CEP57L1: variants seen among roughly 807,000 people sequenced by gnomAD.
CEP57L1 encodes centrosomal protein CEP57L1.
CEP57L1 carries 37 observed loss-of-function variants against 61.0 expected under a neutral mutation model. That is an observed-to-expected ratio of 0.61 (90% confidence interval 0.47 to 0.80). The LOEUF is 0.80. CEP57L1 is among the 30% of genes least tolerant of loss of function. The probability of loss-of-function intolerance (pLI) is 0.00; values close to 1 mark genes in which losing one functional copy is unlikely to be tolerated. For synonymous variants in CEP57L1, 137 were observed against 162.3 expected, an observed-to-expected ratio of 0.84 and a Z score of 1.19; for missense variants, 422 against 524.7, an observed-to-expected ratio of 0.80 and a Z score of 1.91.
At position 109,173,660 on chromosome 6, in the gene CEP57L1, A is replaced by G. The variant is rs1031145144; in HGVS notation, c.*10690A>G. On this transcript the variant is annotated 3_prime_UTR_variant, in exon 11 of 11. Coordinates refer to ENST00000517392, the MANE Select transcript of CEP57L1 (RefSeq NM_001271852.3). ...CACTTTGCTGCCCAGGCTGGTCTCA[A>G]ACTCTGGGCTCAAGCAATCCTTCCA... is the stretch of plus-strand genomic sequence containing the variant. Among the ~76,000 whole-genome samples the G allele has an allele frequency of 1.3e-5, 2 of 151,524 alleles. No individual in the cohort carries two copies. The highest frequency in any genetic ancestry group is 4.8e-5 in the African/African-American group (2 of 41,250).
intron 1 of CEP57L1, among the ~76,000 whole-genome samples, chr6:109,134,863 G>A (rs1011235059): frequency 6.6e-6 from 1 of 152,160 alleles, no homozygotes; most frequent in Non-Finnish European, 1.5e-5. Context: ...CAAGGGATGT[G>A]AAGGACCTCT....
At chr6:109,159,610 G>T in intron 9 of CEP57L1, 148 bp downstream of exon 9, 1 of 647,216 alleles carries the variant, frequency 1.5e-6, no homozygotes, top group Non-Finnish European at 2.7e-6. Flanking sequence ...TGCCTGGCCA[G>T]TATTTTTATT....
At chr6:109,113,859 C>T (rs1771968959) in intron 1 of CEP57L1, among the ~76,000 whole-genome samples, 1 of 151,910 alleles carries the variant, frequency 6.6e-6, no homozygotes, top group Non-Finnish European at 1.5e-5. Context: ...AGATGTTGTC[C>T]CTGCTCTTAA....
chr6:109,153,108 CAA>C (rs1172045072), intron 4 of CEP57L1, among the ~76,000 whole-genome samples: 5 of 91,384 alleles, frequency 5.5e-5, no homozygotes, highest in East Asian at 3.0e-4. Flanking sequence ...GACTCTGTCT[CAA>C]AAAAAAAAAA....
chr6:109,142,097 A>G (rs950976405), intron 1 of CEP57L1, among the ~76,000 whole-genome samples: 14 of 152,288 alleles, frequency 9.2e-5, no homozygotes, highest in African/African-American at 2.6e-4. Flanking sequence ...TTTTTATGCA[A>G]TGGGTTCTTA....
At chr6:109,117,477 C>A (rs962936705) in intron 1 of CEP57L1, among the ~76,000 whole-genome samples, 2 of 152,316 alleles carry the variant, frequency 1.3e-5, no homozygotes, top group South Asian at 4.1e-4. Flanking sequence ...ACTGGGCCAA[C>A]TACTATGACG....
At chr6:109,139,624 TACA>T (rs1771124742) in intron 1 of CEP57L1, among the ~76,000 whole-genome samples, 1 of 152,054 alleles carries the variant, frequency 6.6e-6, no homozygotes, top group Non-Finnish European at 1.5e-5. Flanking sequence ...TAGCTGGGAC[TACA>T]GGCGCCTGCC....
intron 1 of CEP57L1, among the ~76,000 whole-genome samples, chr6:109,127,132 C>T (rs188323655): frequency 6.6e-6 from 1 of 152,282 alleles, no homozygotes; most frequent in Admixed American, 6.5e-5. Context: ...CGCCACTGCA[C>T]TCCAGCCTGG....
intron 1 of CEP57L1, among the ~76,000 whole-genome samples, chr6:109,106,454 G>A (rs1288759483): frequency 1.3e-5 from 2 of 152,150 alleles, no homozygotes; most frequent in African/African-American, 2.4e-5. Context: ...AGTGTCAGAT[G>A]TGGACCTTTT....
rs990647246 is a variant in CEP57L1 at position 109,168,784 on chromosome 6, T to C, written c.*5814T>C. Among the ~76,000 whole-genome samples, 4 of 151,352 alleles carry C rather than the reference T, an allele frequency of 2.6e-5. No homozygotes were observed. The highest frequency in any genetic ancestry group is 3.4e-3 in the Middle Eastern group (1 of 294). On this transcript the variant is annotated 3_prime_UTR_variant, in exon 11 of 11. Transcript: ENST00000517392. ...CTAATTTTTTGTATTTTAGTAGAGA[T>C]GGGGTTTCACTGTATTGCCCAGGCT...
chr6:109,149,012 G>C (rs1772289404), intron 3 of CEP57L1, among the ~76,000 whole-genome samples: 1 of 152,278 alleles, frequency 6.6e-6, no homozygotes, highest in Non-Finnish European at 1.5e-5. Flanking sequence ...GTAGATTCTG[G>C]ATATTAGCCC....
chr6:109,099,428 G>T (rs1782103800), intron 1 of CEP57L1, among the ~76,000 whole-genome samples: 1 of 152,096 alleles, frequency 6.6e-6, no homozygotes, highest in African/African-American at 2.4e-5. Flanking sequence ...ATGAGATGAG[G>T]ATTCATAATT....
intron 2 of CEP57L1, 100 bp from the exon 3 acceptor site, chr6:109,146,658 C>T: frequency 1.3e-6 from 1 of 744,200 alleles, no homozygotes; most frequent in Non-Finnish European, 2.1e-6. Flanking sequence ...ATTTTTCTGG[C>T]TCAGTAACAA....
chr6:109,158,886 T>TAAG, intron 7 of CEP57L1, 139 bp from the exon 8 acceptor site: 1 of 733,066 alleles, frequency 1.4e-6, no homozygotes, highest in South Asian at 1.8e-5. Flanking sequence ...TACGTATGTC[T>TAAG]ATGTCAGTGA....
rs769389092 is a variant in CEP57L1, at chr6:109,153,927, C to A, written c.557C>A (p.Thr186Lys). 9 of 1,601,232 alleles carry A rather than the reference C, an allele frequency of 5.6e-6. No individual in the cohort carries two copies. Among genetic ancestry groups the A allele is most frequent in the Non-Finnish European group, 7.7e-6 (9 of 1,171,326 alleles). Reference sequence around the variant, plus strand: ...TTAGAAAAAGAGTGTTTCAGACTTACAACAACTCAGAAAACTGCTGAGGTA... The same window carrying A: ...TTAGAAAAAGAGTGTTTCAGACTTAAAACAACTCAGAAAACTGCTGAGGTA... ...DVLEKECFRLTTTQKTAEDKI... is the reference protein window; with the variant it reads ...DVLEKECFRLKTTQKTAEDKI... The change falls in exon 5 of 11, where the codon ACA becomes AAA. Residue 186 changes from threonine to lysine, a missense_variant. Transcript: ENST00000517392.
intron 1 of CEP57L1, among the ~76,000 whole-genome samples, chr6:109,115,413 C>T (rs955234816): frequency 5.3e-5 from 8 of 152,006 alleles, no homozygotes; most frequent in Non-Finnish European, 7.4e-5. Flanking sequence ...AATTAGATTA[C>T]GCTCAGCCAA....
chr6:109,142,945 T>TGC (rs1771548463), intron 1 of CEP57L1, among the ~76,000 whole-genome samples: 1 of 34,640 alleles, frequency 2.9e-5, no homozygotes, highest in Non-Finnish European at 6.4e-5. Flanking sequence ...CTGTCTCTCT[T>TGC]GCTCTCTCTC....
At chr6:109,102,774 G>T (rs1048458620) in intron 1 of CEP57L1, among the ~76,000 whole-genome samples, 1 of 151,842 alleles carries the variant, frequency 6.6e-6, no homozygotes, top group African/African-American at 2.4e-5. Flanking sequence ...TTTTTTTAAA[G>T]ACCATTATAC....
intron 1 of CEP57L1, among the ~76,000 whole-genome samples, chr6:109,117,639 A>G (rs1236025355): frequency 1.3e-5 from 2 of 152,234 alleles, no homozygotes; most frequent in East Asian, 3.8e-4. Flanking sequence ...CTCTAAGCAC[A>G]AAGTTTGGCA....
Sources: allele counts gnomAD v4.1 joint callset (sites outside exome capture counted in the v4.1 genomes callset), GRCh38; gene constraint gnomAD v4.1.1; transcripts MANE v1.5; gene names NCBI Gene and HGNC (gene_info 2026-07-23, HGNC 2026-07-21).